The following GCC2 variants were observed in gnomAD, a reference collection of about 807,000 sequenced individuals.
GCC2 encodes the protein GRIP and coiled-coil domain containing 2.
A neutral mutation model predicts 210.6 loss-of-function variants in GCC2; 120 were observed. That is an observed-to-expected ratio of 0.57 (90% CI 0.49 to 0.66). The LOEUF (loss-of-function observed/expected upper bound fraction) is 0.66. GCC2 is among the 30% of genes least tolerant of loss of function. The probability of loss-of-function intolerance (pLI) is 0.00; values close to 1 mark genes in which losing one functional copy is unlikely to be tolerated. For missense variants in GCC2, 1,868 were observed against 1,871.9 expected (o/e 1.00, Z 0.04); for synonymous variants, 703 against 652.7 (o/e 1.08, Z -1.17).
intron 9 of GCC2, among the ~76,000 whole-genome samples, chr2:108,478,468 T>C (rs1028969350): frequency 2.4e-4 from 37 of 152,330 alleles, no homozygotes; most frequent in African/African-American, 8.4e-4. Flanking sequence ...GGCTAGTTTT[T>C]TCAGTGTTCA....
chr2:108,468,273 C>T (rs928671893), intron 4 of GCC2, among the ~76,000 whole-genome samples: 1 of 151,920 alleles, frequency 6.6e-6, no homozygotes, highest in African/African-American at 2.4e-5. Context: ...ACCATGTTGC[C>T]CAGGCTGGTC....
chr2:108,477,288 C>A (rs952041102), intron 9 of GCC2, among the ~76,000 whole-genome samples: 2 of 152,182 alleles, frequency 1.3e-5, no homozygotes, highest in African/African-American at 4.8e-5. Context: ...ATAGATACTT[C>A]TGCATAACAA....
rs1205671661 is a variant in GCC2, at chr2:108,470,854, A to G, written c.1525A>G (p.Lys509Glu). Residue 509 changes from lysine to glutamate, a missense_variant, in exon 6 of 23, where the codon AAG (lysine) becomes GAG (glutamate). Lys to Glu is a moderately conservative substitution (Grantham distance 56). Coordinates refer to ENST00000309863, the MANE Select transcript of GCC2 (RefSeq NM_181453.4). ...GKISQEFESM[K>E]QQQASDVHEL... ...AATAAGTCAAGAGTTCGAATCAATG[A>G]AGCAACAGCAAGCATCTGATGTTCA... 2 of 1,613,634 alleles carry G rather than the reference A, an allele frequency of 1.2e-6. No homozygotes were observed. The highest frequency in any genetic ancestry group is 1.7e-6 in the Non-Finnish European group (2 of 1,179,772).
intron 15 of GCC2, 141 bp from the exon 16 acceptor site, chr2:108,486,370 A>T: frequency 1.3e-6 from 1 of 792,876 alleles, no homozygotes; most frequent in Admixed American, 2.1e-5. Context: ...TTTTTCAATA[A>T]TAATACATAA....
At chr2:108,451,494 T>A (rs1679940795) in intron 3 of GCC2, among the ~76,000 whole-genome samples, 1 of 152,184 alleles carries the variant, frequency 6.6e-6, no homozygotes, top group Non-Finnish European at 1.5e-5. Context: ...CTTCCTCAAT[T>A]AAAATAATAA....
chr2:108,470,555 C>G lies in GCC2; in HGVS notation c.1226C>G (p.Ala409Gly), dbSNP rs1344757214. 1 of 1,607,394 alleles carries G rather than the reference C, an allele frequency of 6.2e-7. No individual in the cohort carries two copies. The highest frequency in any genetic ancestry group is 1.7e-5 in the Admixed American group (1 of 58,830). ...CVIEKLKSEL[A>G]GLNKQFCYTV... is the part of the protein sequence containing the mutation. ...ATTGAAAAATTAAAATCTGAGCTAGCAGGTTTAAATAAACAGTTTTGCTAT... is the reference window on the plus strand; with the variant it reads ...ATTGAAAAATTAAAATCTGAGCTAGGAGGTTTAAATAAACAGTTTTGCTAT... The change falls in exon 6 of 23, where the codon GCA becomes GGA. Residue 409 changes from alanine to glycine, a missense_variant. By Grantham distance (60) the Ala-to-Gly change is moderately conservative. Coordinates refer to ENST00000309863, the MANE Select transcript of GCC2 (RefSeq NM_181453.4).
At chr2:108,496,632 T>G in intron 20 of GCC2, 1 of 320,200 alleles carries the variant, frequency 3.1e-6, no homozygotes, top group Non-Finnish European at 5.8e-6. Context: ...AATGCTTTCC[T>G]TATACGTGAA....
chr2:108,455,036 T>G (rs1161938551), intron 4 of GCC2, among the ~76,000 whole-genome samples: 2 of 152,184 alleles, frequency 1.3e-5, no homozygotes, highest in East Asian at 3.9e-4. Context: ...TATAATACTT[T>G]TTACAGAATT....
At chr2:108,486,946 T>A (rs1171167274) in intron 16 of GCC2, among the ~76,000 whole-genome samples, 1 of 152,252 alleles carries the variant, frequency 6.6e-6, no homozygotes, top group African/African-American at 2.4e-5. Flanking sequence ...GTTACAGTTC[T>A]TAGGGCTAAA....
intron 18 of GCC2, 27 bp downstream of exon 18, chr2:108,490,041 G>A: frequency 6.7e-7 from 1 of 1,492,618 alleles, no homozygotes; most frequent in South Asian, 1.3e-5. Flanking sequence ...CACTAACGCT[G>A]TACCAGACAG....
chr2:108,467,880 TAAA>T (rs1474335375), intron 4 of GCC2, among the ~76,000 whole-genome samples: 2 of 152,150 alleles, frequency 1.3e-5, no homozygotes, highest in African/African-American at 4.8e-5. Flanking sequence ...GAACTCACCT[TAAA>T]AACCATCTAT....
rs1179997344 is a variant in GCC2, at chr2:108,495,114, A to G, written c.4448-177A>G. On this transcript the variant is annotated intron_variant, in intron 19 of 22. Transcript: ENST00000309863. The stretch of plus-strand genomic sequence containing the variant: ...ATTTGAGCCACCACGCCCAGCTTTG[A>G]TGACTAAATTTTAAGAAATGCTTTA... The G allele has an allele frequency of 4.4e-5, 19 of 431,922 alleles. No individual in the cohort carries two copies. In the Admixed American group the frequency reaches 7.2e-4, roughly 16 times the overall value. 26.8% of individuals were successfully genotyped at this position (431,922 alleles called of 1,614,324 possible).
At chr2:108,469,514 C>T (rs2104445914) in intron 5 of GCC2, 137 bp from the exon 6 acceptor site, 2 of 597,576 alleles carry the variant, frequency 3.3e-6, no homozygotes, top group Non-Finnish European at 5.9e-6. Flanking sequence ...ATTGGAATAT[C>T]AGTATCATGT....
Position 108,471,995 on chromosome 2 carries a change from G to A in GCC2, c.2666G>A (p.Cys889Tyr). The change falls in exon 6 of 23, where the codon TGT (cysteine) becomes TAT (tyrosine). Residue 889 changes from cysteine to tyrosine, a missense_variant. Coordinates refer to ENST00000309863, the MANE Select transcript of GCC2 (RefSeq NM_181453.4). ...LIQVEEVSQT[C>Y]SKSEIHNEKE... Reference sequence around the variant, plus strand: ...CAAGTTGAAGAAGTATCTCAAACATGTAGCAAAAGTGAAATCCATAATGAA... The same window carrying A: ...CAAGTTGAAGAAGTATCTCAAACATATAGCAAAAGTGAAATCCATAATGAA... 6.2e-7 allele frequency: 1 copy of A among 1,602,230 alleles called. No homozygotes were observed. The highest frequency in any genetic ancestry group is 8.5e-7 in the Non-Finnish European group (1 of 1,176,668).
intron 4 of GCC2, among the ~76,000 whole-genome samples, chr2:108,467,034 A>T (rs1680931953): frequency 6.6e-6 from 1 of 152,118 alleles, no homozygotes; most frequent in South Asian, 2.1e-4. Context: ...CTATAGCCTT[A>T]GAGTAAATCA....
intron 4 of GCC2, among the ~76,000 whole-genome samples, chr2:108,458,772 C>T (rs1490975924): frequency 6.6e-6 from 1 of 151,898 alleles, no homozygotes; most frequent in Non-Finnish European, 1.5e-5. Context: ...TGTAATGTCT[C>T]CTTTTTCATT....
intron 4 of GCC2, among the ~76,000 whole-genome samples, chr2:108,456,919 C>G (rs1336666410): frequency 1.3e-5 from 2 of 150,130 alleles, no homozygotes; most frequent in African/African-American, 4.9e-5. Context: ...TACTGCACTC[C>G]AGCCTGGGTG....
In GCC2 at chr2:108,478,391, G is replaced by A. The variant is rs556820081; in HGVS notation, c.3060+2541G>A. 3.3e-5 allele frequency among the ~76,000 whole-genome samples: 5 copies of A among 152,254 alleles called. No homozygotes were observed. In the East Asian group the frequency reaches 7.7e-4, roughly 23 times the overall value. On this transcript the variant is annotated intron_variant, in intron 9 of 22. Coordinates refer to ENST00000309863, the MANE Select transcript of GCC2 (RefSeq NM_181453.4). ...CACTTTTAAAAACACATGTACCTACGCTCTATTAGGTTCTTCAGGATGCAT... is the reference window on the plus strand; with the variant it reads ...CACTTTTAAAAACACATGTACCTACACTCTATTAGGTTCTTCAGGATGCAT...
chr2:108,495,197 C>A, intron 19 of GCC2, 94 bp from the exon 20 acceptor site: 1 of 657,860 alleles, frequency 1.5e-6, no homozygotes, highest in Non-Finnish European at 2.6e-6. Context: ...CTACTCTTAT[C>A]ATTTGATATT....
Sources: allele counts gnomAD v4.1 joint callset (sites outside exome capture counted in the v4.1 genomes callset), GRCh38; gene constraint gnomAD v4.1.1; transcripts MANE v1.5; gene names NCBI Gene and HGNC (gene_info 2026-07-23, HGNC 2026-07-21).